The following SYCE1L variants were observed in gnomAD, a reference collection of about 807,000 sequenced individuals.
The protein encoded by SYCE1L is synaptonemal complex central element protein 1 like.
SYCE1L carries 51 observed loss-of-function variants against 39.6 expected under a neutral mutation model. The observed-to-expected ratio is 1.29, with a 90% CI of 1.03 to 1.63. The LOEUF (loss-of-function observed/expected upper bound fraction) is 1.63. SYCE1L is among the 40% of genes most tolerant of loss of function. The pLI, the probability that SYCE1L is intolerant of heterozygous loss-of-function variation, is 0.00. For missense variants in SYCE1L, 426 were observed against 304.9 expected, an observed-to-expected ratio of 1.40 and a Z score of -2.96; for synonymous variants, 147 against 122.4, an observed-to-expected ratio of 1.20 and a Z score of -1.33.
chr16:77,212,726 C>T, intron 10 of SYCE1L, 80 bp downstream of exon 10: 1 of 1,448,394 alleles, frequency 6.9e-7, no homozygotes, highest in South Asian at 1.4e-5. Context: ...GGAGCGGCCC[C>T]CGAGAGTGGG....
intron 1 of SYCE1L, among the ~76,000 whole-genome samples, chr16:77,206,137 C>T (rs2054784198): frequency 1.3e-5 from 2 of 152,170 alleles, no homozygotes; most frequent in African/African-American, 4.8e-5. Context: ...TGATCTTGAA[C>T]AGCAGCATCA....
intron 1 of SYCE1L, chr16:77,200,865 A>C (rs1025342816): frequency 1.3e-5 from 2 of 152,200 alleles, no homozygotes; most frequent in Non-Finnish European, 2.9e-5. Flanking sequence ...CAACGTAGAG[A>C]AAATAGCTTT....
chr16:77,212,534 T>C (rs1445035147), intron 9 of SYCE1L, 40 bp from the exon 10 acceptor site: 1 of 1,537,530 alleles, frequency 6.5e-7, no homozygotes. Flanking sequence ...CCCTGGACTC[T>C]CGCTCTCTTC....
chr16:77,210,828 C>A (rs1310960373), intron 6 of SYCE1L, among the ~76,000 whole-genome samples: 1 of 152,190 alleles, frequency 6.6e-6, no homozygotes, highest in Non-Finnish European at 1.5e-5. Flanking sequence ...TCCCAACTCC[C>A]ACTCCTGCTG....
intron 2 of SYCE1L, among the ~76,000 whole-genome samples, chr16:77,206,908 C>T (rs1241576238): frequency 6.6e-6 from 1 of 152,120 alleles, no homozygotes; most frequent in Non-Finnish European, 1.5e-5. Context: ...TTGCGGGAAA[C>T]CTGGGAGCCA....
intron 2 of SYCE1L, 103 bp from the exon 3 acceptor site, chr16:77,208,107 A>G: frequency 8.4e-7 from 1 of 1,195,682 alleles, no homozygotes; most frequent in Non-Finnish European, 1.2e-6. Flanking sequence ...CGCTCAATAT[A>G]TGCCGGTTAA....
chr16:77,209,032 T>C (rs1597037225), intron 4 of SYCE1L, 65 bp from the exon 5 acceptor site: 1 of 1,511,856 alleles, frequency 6.6e-7, no homozygotes, highest in Non-Finnish European at 9.0e-7. Flanking sequence ...TTTCCCCTTA[T>C]ATGAAGTTGC....
chr16:77,213,119 C>A lies in SYCE1L; in HGVS notation c.*188C>A. 1 of 511,958 alleles carries A rather than the reference C, an allele frequency of 2.0e-6. No homozygotes were observed. The highest frequency in any genetic ancestry group is 3.2e-6 in the Non-Finnish European group (1 of 312,386). The allele number at this position is 511,958 out of a possible 1,614,324, so 31.7% of individuals were successfully genotyped here. On this transcript the variant is annotated 3_prime_UTR_variant, in exon 11 of 11. Transcript: ENST00000378644. ...CACCAGTCGAGCCCCGGGCGCCGTA[C>A]AGAGGCTGGGTAAATGCTCCTGAAC...
Position 77,213,058 on chromosome 16 carries a change from T to A in SYCE1L, c.*127T>A. The A allele has an allele frequency of 2.0e-6, 2 of 989,328 alleles. No individual in the cohort carries two copies. The highest frequency in any genetic ancestry group is 3.3e-5 in the South Asian group (1 of 30,722). The allele number at this position is 989,328 out of a possible 1,614,324, so 61.3% of individuals were successfully genotyped here. ...CACCGTGGAGCGGGGCGGGGCGTGC[T>A]GGGATCTCGAGGCGGGGCCTCTGCC... On this transcript the variant is annotated 3_prime_UTR_variant, in exon 11 of 11. Coordinates refer to ENST00000378644, the MANE Select transcript of SYCE1L (RefSeq NM_001129979.3).
intron 1 of SYCE1L, chr16:77,200,291 T>TATATATATATGTATATATATATAC: frequency 9.0e-6 from 1 of 111,430 alleles, no homozygotes; most frequent in South Asian, 2.7e-4. Context: ...TATATATATA[T>TATATATATATGTATATATATATAC]ACACACACTA....
chr16:77,211,397 C>T (rs1482586555), intron 7 of SYCE1L, 121 bp downstream of exon 7: 18 of 1,188,178 alleles, frequency 1.5e-5, no homozygotes, highest in Middle Eastern at 1.9e-4. Context: ...TGATTCCTTG[C>T]TTCCGCTTGC....
intron 1 of SYCE1L, 62 bp from the exon 2 acceptor site, chr16:77,206,379 C>A (rs1305759214): frequency 5.4e-6 from 8 of 1,468,100 alleles, no homozygotes; most frequent in African/African-American, 2.8e-5. Flanking sequence ...GACTTCCTGC[C>A]TCCCTTCTCT....
intron 1 of SYCE1L, among the ~76,000 whole-genome samples, chr16:77,202,838 C>G (rs989008763): frequency 2.3e-5 from 3 of 128,988 alleles, no homozygotes; most frequent in Admixed American, 8.0e-5. Flanking sequence ...ATTGTCAGAT[C>G]TAGGCAATGA....
chr16:77,206,289 C>T (rs890579884), intron 1 of SYCE1L, among the ~76,000 whole-genome samples, 152 bp from the exon 2 acceptor site: 3 of 152,118 alleles, frequency 2.0e-5, no homozygotes, highest in African/African-American at 7.2e-5. Flanking sequence ...GGGCAAGAGA[C>T]GGGGGCCCTG....
chr16:77,211,455 A>G (rs2054822075), intron 7 of SYCE1L, among the ~76,000 whole-genome samples, 179 bp downstream of exon 7: 1 of 151,918 alleles, frequency 6.6e-6, no homozygotes, highest in African/African-American at 2.4e-5. Context: ...CTTACGCCTC[A>G]CCATGCCCCA....
At chr16:77,202,270 G>A (rs1274321276) in intron 1 of SYCE1L, 1 of 152,132 alleles carries the variant, frequency 6.6e-6, no homozygotes, top group Non-Finnish European at 1.5e-5. Context: ...CAAGATGTCT[G>A]CAACTTATTG....
chr16:77,206,527 T>A lies in SYCE1L; in HGVS notation c.121+27T>A. 4 of 1,551,136 alleles carry A rather than the reference T, an allele frequency of 2.6e-6. No homozygotes were observed. The Admixed American group carries it at 5.9e-5, about 23-fold the overall frequency. On this transcript the variant is annotated intron_variant, in intron 2 of 10. Transcript: ENST00000378644. Reference sequence around the variant, plus strand: ...TCATGTGTCTCTTTGTTTCTGAGCCTCAGCCTGGGGTTTCAAGTCAGAAAG... The same window carrying A: ...TCATGTGTCTCTTTGTTTCTGAGCCACAGCCTGGGGTTTCAAGTCAGAAAG...
chr16:77,210,320 G>T (rs58630686), intron 6 of SYCE1L, among the ~76,000 whole-genome samples: 1 of 152,132 alleles, frequency 6.6e-6, no homozygotes, highest in Non-Finnish European at 1.5e-5. Context: ...GATTACAGGC[G>T]TGAGCTACCA....
chr16:77,210,902 A>G (rs115580260), intron 6 of SYCE1L, among the ~76,000 whole-genome samples: 1,998 of 152,308 alleles, frequency 0.013, 54 homozygotes, highest in African/African-American at 0.046. Context: ...CAGGAAGCAC[A>G]TGCTGCAAGA....
Sources: gnomAD v4.1 joint callset for allele counts (sites outside exome capture counted in the v4.1 genomes callset) on GRCh38, gnomAD v4.1.1 for gene constraint, MANE v1.5 for transcripts, NCBI Gene and HGNC (gene_info 2026-07-23, HGNC 2026-07-21) for gene names.